Variants in SH3GL2 observed in about 807,000 individuals in gnomAD.
The protein encoded by SH3GL2 is SH3 domain containing GRB2 like 2, endophilin A1.
SH3GL2 carries 24 observed loss-of-function variants against 46.0 expected under a neutral mutation model. The observed-to-expected ratio is 0.52, with a 90% CI of 0.38 to 0.73. SH3GL2 has a LOEUF of 0.73. Ranked by LOEUF, SH3GL2 falls within the 30% of genes least tolerant of loss-of-function variation. The probability of loss-of-function intolerance (pLI) is 0.00; values close to 1 mark genes in which losing one functional copy is unlikely to be tolerated. For missense variants in SH3GL2, 413 were observed against 424.2 expected, an observed-to-expected ratio of 0.97 and a Z score of 0.23; for synonymous variants, 196 against 147.1, an observed-to-expected ratio of 1.33 and a Z score of -2.40.
chr9:17,753,940 T>C (rs1198765954), intron 2 of SH3GL2, among the ~76,000 whole-genome samples: 3 of 152,234 alleles, frequency 2.0e-5, no homozygotes, highest in African/African-American at 4.8e-5. Context: ...AGGGAATCTT[T>C]TCCCCATTGT....
chr9:17,751,570 C>T (rs539858714), intron 2 of SH3GL2, among the ~76,000 whole-genome samples: 3 of 151,986 alleles, frequency 2.0e-5, no homozygotes, highest in East Asian at 1.9e-4. Context: ...TTGTTCCCAC[C>T]GCCCATGTTG....
chr9:17,600,044 C>G (rs1444492853), intron 1 of SH3GL2, among the ~76,000 whole-genome samples: 1 of 151,872 alleles, frequency 6.6e-6, no homozygotes, highest in Non-Finnish European at 1.5e-5. Context: ...TTTTGGGCTC[C>G]TATACATGCT....
chr9:17,758,561 C>CAAAAAAAAAAAAAAAAAAAAAAAAA lies in SH3GL2; in HGVS notation c.115-2866_115-2842dup, dbSNP rs57019804. ...TGGGGGAGAGAGTAAGACCCTGTCT[C>CAAAAAAAAAAAAAAAAAAAAAAAAA]AAAAAAAAAAAAAAAAAAAAAAAAA... On this transcript the variant is annotated intron_variant, in intron 2 of 8. Coordinates refer to ENST00000380607, the MANE Select transcript of SH3GL2 (RefSeq NM_003026.5). Among the ~76,000 whole-genome samples, 7 of 29,226 alleles carry CAAAAAAAAAAAAAAAAAAAAAAAAA rather than the reference C, an allele frequency of 2.4e-4. 1 individual carries two copies. The highest frequency in any genetic ancestry group is 6.4e-3 in the East Asian group (2 of 314). 19.2% of individuals were successfully genotyped at this position (29,226 alleles called of 152,430 possible).
intron 3 of SH3GL2, among the ~76,000 whole-genome samples, chr9:17,764,453 G>A (rs1400984121): frequency 6.6e-6 from 1 of 152,198 alleles, no homozygotes; most frequent in African/African-American, 2.4e-5. Flanking sequence ...AACTCGTGCA[G>A]TTTGCTAAAT....
chr9:17,736,210 A>T (rs1214683836), intron 1 of SH3GL2, among the ~76,000 whole-genome samples: 2 of 152,120 alleles, frequency 1.3e-5, no homozygotes, highest in African/African-American at 2.4e-5. Flanking sequence ...GTATGTATGG[A>T]TATGTATGTC....
chr9:17,680,736 A>C (rs376900331), intron 1 of SH3GL2, among the ~76,000 whole-genome samples: 1 of 151,952 alleles, frequency 6.6e-6, no homozygotes, highest in East Asian at 1.9e-4. Flanking sequence ...TGTGAATTTT[A>C]GATCTTTCCT....
chr9:17,774,218 A>G (rs537954942), intron 3 of SH3GL2, among the ~76,000 whole-genome samples: 1 of 152,174 alleles, frequency 6.6e-6, no homozygotes, highest in East Asian at 1.9e-4. Flanking sequence ...AGAGATTTCT[A>G]TATGTAAGAT....
chr9:17,739,788 T>G (rs926506414), intron 1 of SH3GL2, among the ~76,000 whole-genome samples: 4 of 152,160 alleles, frequency 2.6e-5, no homozygotes, highest in Admixed American at 2.6e-4. Flanking sequence ...CAACTCCTTT[T>G]GAAGGATGTT....
At chr9:17,642,366 C>T (rs941066259) in intron 1 of SH3GL2, among the ~76,000 whole-genome samples, 17 of 152,204 alleles carry the variant, frequency 1.1e-4, no homozygotes, top group African/African-American at 3.9e-4. Flanking sequence ...TAATTAGATC[C>T]CATTTGTCAA....
chr9:17,630,711 A>G lies in SH3GL2; in HGVS notation c.45+51424A>G, dbSNP rs544406997. On this transcript the variant is annotated intron_variant, in intron 1 of 8. Coordinates refer to ENST00000380607, the MANE Select transcript of SH3GL2 (RefSeq NM_003026.5). ...ATTAAGGAAATTACTGCTACCTAAC[A>G]GTTATTCTGGAGCTCAAATATTTCC... is the stretch of plus-strand genomic sequence containing the variant. 6.6e-5 allele frequency among the ~76,000 whole-genome samples: 10 copies of G among 152,320 alleles called. No individual in the cohort carries two copies. The South Asian group carries it at 1.9e-3, about 28-fold the overall frequency.
intron 2 of SH3GL2, among the ~76,000 whole-genome samples, chr9:17,758,561 C>CAAAAAAAAAA (rs57019804): frequency 0.02 from 579 of 29,216 alleles, 160 homozygotes; most frequent in East Asian, 0.092. Context: ...GACCCTGTCT[C>CAAAAAAAAAA]AAAAAAAAAA....
At chr9:17,643,098 C>T (rs1819725361) in intron 1 of SH3GL2, among the ~76,000 whole-genome samples, 1 of 152,080 alleles carries the variant, frequency 6.6e-6, no homozygotes, top group Non-Finnish European at 1.5e-5. Flanking sequence ...TGAAGAGGTC[C>T]TTCACATCCC....
chr9:17,654,606 C>G (rs1033144267), intron 1 of SH3GL2, among the ~76,000 whole-genome samples: 2 of 152,128 alleles, frequency 1.3e-5, no homozygotes, highest in Non-Finnish European at 2.9e-5. Flanking sequence ...TCTTTATCAT[C>G]TATCTATATC....
intron 1 of SH3GL2, among the ~76,000 whole-genome samples, chr9:17,605,141 T>G (rs1424856022): frequency 6.6e-6 from 1 of 152,036 alleles, no homozygotes; most frequent in African/African-American, 2.4e-5. Context: ...CCCAGCTAAC[T>G]TTTTTAGAAA....
At chr9:17,690,317 A>G (rs1319357698) in intron 1 of SH3GL2, among the ~76,000 whole-genome samples, 1 of 152,126 alleles carries the variant, frequency 6.6e-6, no homozygotes, top group Non-Finnish European at 1.5e-5. Flanking sequence ...ACTGCATAAA[A>G]AGTTGAATAT....
At chr9:17,709,828 G>C (rs2118261096) in intron 1 of SH3GL2, among the ~76,000 whole-genome samples, 1 of 151,956 alleles carries the variant, frequency 6.6e-6, no homozygotes, top group East Asian at 1.9e-4. Flanking sequence ...TTCCTAGTAT[G>C]TTCCAGGCAC....
At chr9:17,579,418 C>G (rs966264495) in intron 1 of SH3GL2, 131 bp downstream of exon 1, 2 of 448,208 alleles carry the variant, frequency 4.5e-6, no homozygotes, top group Non-Finnish European at 3.6e-6. Context: ...CGCGCCCCGC[C>G]TCGCAAGCCA....
At chr9:17,738,641 T>TATATATATAAG (rs376280314) in intron 1 of SH3GL2, among the ~76,000 whole-genome samples, 2 of 88,900 alleles carry the variant, frequency 2.2e-5, no homozygotes, top group African/African-American at 3.7e-5. Context: ...TATATATATA[T>TATATATATAAG]AGAGAGAGAG....
At chr9:17,635,537 T>C (rs980271790) in intron 1 of SH3GL2, among the ~76,000 whole-genome samples, 12 of 152,190 alleles carry the variant, frequency 7.9e-5, no homozygotes, top group Non-Finnish European at 1.8e-4. Flanking sequence ...CTGCTTTATC[T>C]GTAAGAGCTC....
Sources: gnomAD v4.1 joint callset for allele counts (sites outside exome capture counted in the v4.1 genomes callset) on GRCh38, gnomAD v4.1.1 for gene constraint, MANE v1.5 for transcripts, NCBI Gene and HGNC (gene_info 2026-07-23, HGNC 2026-07-21) for gene names.